IGF2BP1: variants seen among roughly 807,000 people sequenced by gnomAD.
The protein encoded by IGF2BP1 is insulin-like growth factor 2 mRNA-binding protein 1.
Under a neutral mutation model 74.9 loss-of-function variants are expected in IGF2BP1, and 11 were observed. The ratio of observed to expected loss-of-function variants is 0.15; its 90% CI spans 0.09 to 0.24. The LOEUF is 0.24. Ranked by LOEUF, IGF2BP1 falls within the 10% of genes least tolerant of loss-of-function variation. The pLI, the probability that IGF2BP1 is intolerant of heterozygous loss-of-function variation, is 1.00. For synonymous variants in IGF2BP1, 287 were observed against 281.8 expected, an observed-to-expected ratio of 1.02 and a Z score of -0.18; for missense variants, 440 against 757.4, an observed-to-expected ratio of 0.58 and a Z score of 4.92.
chr17:49,045,661 T>C (rs778783376), intron 12 of IGF2BP1, among the ~76,000 whole-genome samples: 1 of 152,182 alleles, frequency 6.6e-6, no homozygotes. Flanking sequence ...ATTCAATTAC[T>C]CATAACTCAT....
Position 49,041,211 on chromosome 17 carries a change from C to T in IGF2BP1, c.819-167C>T, listed in dbSNP as rs74991366. 1.5e-4 allele frequency among the ~76,000 whole-genome samples: 23 copies of T among 152,182 alleles called. 1 individual carries two copies. The highest frequency in any genetic ancestry group is 2.6e-4 in the Non-Finnish European group (18 of 67,996). On this transcript the variant is annotated intron_variant, in intron 7 of 14. Coordinates refer to ENST00000290341, the MANE Select transcript of IGF2BP1 (RefSeq NM_006546.4). ...AAAACAAATTGGCTTTATTGATGTT[C>T]AATTGATGTATAATAAATCATACAT...
intron 2 of IGF2BP1, among the ~76,000 whole-genome samples, chr17:49,023,727 T>A: frequency 6.6e-6 from 1 of 152,222 alleles, no homozygotes; most frequent in Non-Finnish European, 1.5e-5. Flanking sequence ...TTCAAGCCAC[T>A]AGAGTTTTTT....
chr17:49,025,590 T>C, intron 2 of IGF2BP1, 28 bp from the exon 3 acceptor site: 2 of 1,608,540 alleles, frequency 1.2e-6, no homozygotes, highest in Non-Finnish European at 1.7e-6. Flanking sequence ...CAGAGCTTTC[T>C]TTAACTCTGC....
intron 5 of IGF2BP1, among the ~76,000 whole-genome samples, chr17:49,033,503 T>C (rs2041948054): frequency 6.6e-6 from 1 of 151,926 alleles, no homozygotes; most frequent in Admixed American, 6.6e-5. Context: ...CCACCACACC[T>C]GGCTAATTTT....
chr17:49,021,563 C>A (rs1008716477), intron 2 of IGF2BP1, among the ~76,000 whole-genome samples: 1 of 152,172 alleles, frequency 6.6e-6, no homozygotes, highest in Non-Finnish European at 1.5e-5. Flanking sequence ...CTCTGTACAT[C>A]AAGGAAGGCA....
chr17:48,997,948 G>C lies in IGF2BP1; in HGVS notation c.175+28G>C. The C allele has an allele frequency of 6.2e-7, 1 of 1,607,192 alleles. No individual in the cohort carries two copies. Among genetic ancestry groups the C allele is most frequent in the Non-Finnish European group, 8.5e-7 (1 of 1,176,302 alleles). ...AAGAACACAGCCACCTCCCGGAAAA[G>C]CCACAACGAGAGCCCCGAACAACGG... On this transcript the variant is annotated intron_variant, in intron 1 of 14. Transcript: ENST00000290341. This position sits in a 1 kb window ranked among gnomAD's most constrained non-coding sequence, Gnocchi z 4.8.
At chr17:49,007,067 T>G (rs2143940767) in intron 2 of IGF2BP1, among the ~76,000 whole-genome samples, 1 of 152,252 alleles carries the variant, frequency 6.6e-6, no homozygotes, top group Middle Eastern at 3.4e-3. Flanking sequence ...GGGAACTAAC[T>G]CTGCATATAA....
chr17:49,014,250 C>T (rs1466082380), intron 2 of IGF2BP1, among the ~76,000 whole-genome samples: 1 of 143,456 alleles, frequency 7.0e-6, no homozygotes, highest in South Asian at 2.4e-4. Flanking sequence ...CCCTCAGTCC[C>T]CGTCCCCATC....
Position 48,997,652 on chromosome 17 carries a change from G to T in IGF2BP1, c.-94G>T, listed in dbSNP as rs369593503. 4.9e-4 allele frequency: 669 copies of T among 1,363,836 alleles called. 2 individuals are homozygous for T. In the African/African-American group the frequency reaches 8.6e-3, roughly 18 times the overall value. 84.5% of individuals were successfully genotyped at this position (1,363,836 alleles called of 1,614,324 possible). A position where few individuals can be genotyped will look rare whatever the true frequency, so the allele number is the denominator to read the frequency against. On this transcript the variant is annotated 5_prime_UTR_variant, in exon 1 of 15. Coordinates refer to ENST00000290341, the MANE Select transcript of IGF2BP1 (RefSeq NM_006546.4). This position sits in a 1 kb window ranked among gnomAD's most constrained non-coding sequence, Gnocchi z 4.8. Reference sequence around the variant, plus strand: ...GCAAAGAAAGTTTGCGGCTCCTGCCGCCGGCCTCTCCGCCTCTTGGCCTAG... The same window carrying T: ...GCAAAGAAAGTTTGCGGCTCCTGCCTCCGGCCTCTCCGCCTCTTGGCCTAG...
At chr17:49,047,178 A>G (rs895111195) in intron 14 of IGF2BP1, among the ~76,000 whole-genome samples, 1 of 152,108 alleles carries the variant, frequency 6.6e-6, no homozygotes, top group Non-Finnish European at 1.5e-5. Flanking sequence ...CCCATATAGT[A>G]TAGCATCAAG....
chr17:49,036,965 A>G (rs2041997031), intron 5 of IGF2BP1: 1 of 183,008 alleles, frequency 5.5e-6, no homozygotes. Flanking sequence ...AACAAAAAAC[A>G]GTGGCTTAAG....
chr17:49,022,339 C>T (rs1230793437), intron 2 of IGF2BP1, among the ~76,000 whole-genome samples: 1 of 152,166 alleles, frequency 6.6e-6, no homozygotes, highest in African/African-American at 2.4e-5. Context: ...TAGGTAGCAC[C>T]ATATTTAATA....
chr17:49,040,010 T>C lies in IGF2BP1; in HGVS notation c.737T>C (p.Val246Ala). Reference protein sequence around the residue: ...NAGAAEKAISVHSTPEGCSSA... With the variant: ...NAGAAEKAISAHSTPEGCSSA... Reference sequence around the variant, plus strand: ...GGTGCAGCTGAAAAAGCCATCAGTGTGCACTCCACCCCTGAGGGCTGCTCC... The same window carrying C: ...GGTGCAGCTGAAAAAGCCATCAGTGCGCACTCCACCCCTGAGGGCTGCTCC... Residue 246 changes from valine (V) to alanine (A), a missense_variant, in exon 7 of 15, where the codon GTG (valine) becomes GCG (alanine). Physicochemically the swap from Val to Ala is moderately conservative, Grantham distance 64 (BLOSUM62 0). Coordinates refer to ENST00000290341, the MANE Select transcript of IGF2BP1 (RefSeq NM_006546.4). 1 of 1,613,660 alleles carries C rather than the reference T, an allele frequency of 6.2e-7. No individual in the cohort carries two copies. The highest frequency in any genetic ancestry group is 8.5e-7 in the Non-Finnish European group (1 of 1,180,004).
At chr17:49,025,745 G>T in intron 3 of IGF2BP1, 79 bp downstream of exon 3, 1 of 1,342,160 alleles carries the variant, frequency 7.5e-7, no homozygotes. Context: ...GGAGTTGCCA[G>T]AAATGATTGG....
At position 49,052,641 on chromosome 17, in the gene IGF2BP1, C is replaced by G. The variant is rs2042180395; in HGVS notation, c.*3197C>G. The G allele has an allele frequency of 6.6e-6, 1 of 152,472 alleles. No homozygotes were observed. Among genetic ancestry groups the G allele is most frequent in the Non-Finnish European group, 1.5e-5 (1 of 68,010 alleles). 9.4% of individuals were successfully genotyped at this position (152,472 alleles called of 1,614,324 possible). ...GTTAAGGTTTAGTGGGATGAAGGAC[C>G]TGTCTTGGTGGGCCGGGCCCTCTTG... is the stretch of plus-strand genomic sequence containing the variant. On this transcript the variant is annotated 3_prime_UTR_variant, in exon 15 of 15. Coordinates refer to ENST00000290341, the MANE Select transcript of IGF2BP1 (RefSeq NM_006546.4).
intron 4 of IGF2BP1, among the ~76,000 whole-genome samples, chr17:49,029,474 A>C (rs1009063284): frequency 6.6e-6 from 1 of 152,164 alleles, no homozygotes; most frequent in Non-Finnish European, 1.5e-5. Context: ...GATTCTTTGC[A>C]CTGAAGTTTG....
In IGF2BP1 at chr17:49,039,941, TC is replaced by T. The variant is rs765937408; in HGVS notation, c.684-14del. 6.8e-6 allele frequency: 11 copies of T among 1,611,928 alleles called. No individual in the cohort carries two copies. The South Asian group carries it at 1.2e-4, about 18-fold the overall frequency. On this transcript the variant is annotated splice_polypyrimidine_tract_variant and intron_variant, in intron 6 of 14. Coordinates refer to ENST00000290341, the MANE Select transcript of IGF2BP1 (RefSeq NM_006546.4). ...CACTGGGGACAACTAACCAGCCTTGTCCTTGTGGCCCCCAGGATAGACGTGC... is the reference window on the plus strand; with the variant it reads ...CACTGGGGACAACTAACCAGCCTTGTCTTGTGGCCCCCAGGATAGACGTGC...
intron 6 of IGF2BP1, among the ~76,000 whole-genome samples, chr17:49,039,069 G>T (rs764107546): frequency 4.0e-4 from 60 of 151,890 alleles, no homozygotes; most frequent in Non-Finnish European, 7.6e-4. Context: ...GTAGAGACAG[G>T]GTTTCACCAT....
rs563820983 is a variant in IGF2BP1, at chr17:49,050,760, T to A, written c.*1316T>A. 26 of 152,596 alleles carry A rather than the reference T, an allele frequency of 1.7e-4. No homozygotes were observed. Among genetic ancestry groups the A allele is most frequent in the South Asian group, 2.1e-4 (1 of 4,828 alleles). The allele number at this position is 152,596 out of a possible 1,614,324, so 9.5% of individuals were successfully genotyped here. A position where few individuals can be genotyped will look rare whatever the true frequency, so the allele number is the denominator to read the frequency against. ...GCAGCATTGTACAGCAAGGGGTAAA[T>A]AAGCTTAATTTATTAATTTACCAGG... On this transcript the variant is annotated 3_prime_UTR_variant, in exon 15 of 15. Coordinates refer to ENST00000290341, the MANE Select transcript of IGF2BP1 (RefSeq NM_006546.4).
Sources: allele counts gnomAD v4.1 joint callset (sites outside exome capture counted in the v4.1 genomes callset), GRCh38; gene constraint gnomAD v4.1.1; non-coding constraint Gnocchi (gnomAD v3.1); transcripts MANE v1.5; gene names NCBI Gene and HGNC (gene_info 2026-07-23, HGNC 2026-07-21).